GGT7: variants seen among roughly 807,000 people sequenced by gnomAD.
GGT7 encodes glutathione hydrolase 7.
In GGT7, 30 loss-of-function variants were observed where a neutral mutation model predicts 69.2. The observed-to-expected ratio is 0.43, with a 90% confidence interval of 0.32 to 0.59. The LOEUF (loss-of-function observed/expected upper bound fraction) is 0.59. Ranked by LOEUF, GGT7 falls within the 20% of genes least tolerant of loss-of-function variation. The probability of loss-of-function intolerance (pLI) is 0.05; values close to 1 mark genes in which losing one functional copy is unlikely to be tolerated. For missense variants in GGT7, 733 were observed against 901.1 expected, an observed-to-expected ratio of 0.81 and a Z score of 2.39; for synonymous variants, 388 against 391.8, an observed-to-expected ratio of 0.99 and a Z score of 0.12.
chr20:34,852,616 G>T, intron 10 of GGT7, 78 bp from the exon 11 acceptor site: 1 of 1,376,492 alleles, frequency 7.3e-7, no homozygotes, highest in Non-Finnish European at 9.7e-7. Flanking sequence ...TGTGGTGTTT[G>T]TGTAATTATT....
rs573038224 is a variant in GGT7 at position 34,871,254 on chromosome 20, T to A, written c.169+1393A>T. Among the ~76,000 whole-genome samples the A allele has an allele frequency of 3.0e-4, 46 of 152,132 alleles. No homozygotes were observed. In the South Asian group the frequency reaches 5.8e-3, roughly 19 times the overall value. Reference sequence around the variant, plus strand: ...ATGTCAGGCAGTTCCAATCTCTAGGTCAAGAGAGACAGGCATTCTCTGTTG... The same window carrying A: ...ATGTCAGGCAGTTCCAATCTCTAGGACAAGAGAGACAGGCATTCTCTGTTG... On this transcript the variant is annotated intron_variant, in intron 1 of 14. Transcript: ENST00000336431.
At position 34,872,801 on chromosome 20, in the gene GGT7, G is replaced by C. The variant is rs1241944604; in HGVS notation, c.15C>G (p.Asn5Lys). The change falls in exon 1 of 15, where the codon AAC becomes AAG. Residue 5 changes from asparagine to lysine, a missense_variant. Coordinates refer to ENST00000336431, the MANE Select transcript of GGT7 (RefSeq NM_178026.3). MAAE[N>K]EASQESALGA... The stretch of plus-strand genomic sequence containing the variant: ...CCAGGGCGCTCTCCTGGCTGGCCTC[G>C]TTCTCCGCCGCCATCCTCGCCCGCG... 2.2e-6 allele frequency: 3 copies of C among 1,357,334 alleles called. No individual in the cohort carries two copies. Among genetic ancestry groups the C allele is most frequent in the Admixed American group, 7.5e-5 (2 of 26,832 alleles). 84.1% of individuals were successfully genotyped at this position (1,357,334 alleles called of 1,614,324 possible).
chr20:34,854,375 C>CTGGG (rs2079451705), intron 10 of GGT7, among the ~76,000 whole-genome samples, 156 bp downstream of exon 10: 1 of 152,188 alleles, frequency 6.6e-6, no homozygotes, highest in Non-Finnish European at 1.5e-5. Context: ...AGGTGAGGTG[C>CTGGG]AGGGAGAGGC....
At position 34,854,846 on chromosome 20, in the gene GGT7, T is replaced by C; in HGVS notation, c.1180A>G (p.Asn394Asp). The change falls in exon 9 of 15, where the codon AAT (asparagine) becomes GAT (aspartate). Residue 394 changes from asparagine to aspartate, a missense_variant. Physicochemically the swap from Asn to Asp is conservative, Grantham distance 23. Coordinates refer to ENST00000336431, the MANE Select transcript of GGT7 (RefSeq NM_178026.3). ...ISALNILEGFNLTSLVSREQA... is the reference protein window; with the variant it reads ...ISALNILEGFDLTSLVSREQA... ...TCTCGGGATACCAGGCTGGTGAGATTGAAGCCCTCCAGGATGTTGAGAGCA... is the reference window on the plus strand; with the variant it reads ...TCTCGGGATACCAGGCTGGTGAGATCGAAGCCCTCCAGGATGTTGAGAGCA... 26 of 1,614,142 alleles carry C rather than the reference T, an allele frequency of 1.6e-5. No homozygotes were observed. Among genetic ancestry groups the C allele is most frequent in the Non-Finnish European group, 2.2e-5 (26 of 1,179,988 alleles).
chr20:34,860,370 G>A (rs1266784628), intron 4 of GGT7, 49 bp from the exon 5 acceptor site: 4 of 1,405,924 alleles, frequency 2.8e-6, no homozygotes, highest in Non-Finnish European at 4.0e-6. Context: ...GTCACTGGAA[G>A]GGGGGTGCTG....
intron 1 of GGT7, among the ~76,000 whole-genome samples, chr20:34,871,738 G>T (rs1434987479): frequency 6.6e-6 from 1 of 152,242 alleles, no homozygotes; most frequent in African/African-American, 2.4e-5. Flanking sequence ...GCGAGGAAGC[G>T]AGAGTGAGGT....
intron 1 of GGT7, among the ~76,000 whole-genome samples, chr20:34,867,950 G>A (rs1456408477): frequency 6.6e-6 from 1 of 152,118 alleles, no homozygotes; most frequent in Non-Finnish European, 1.5e-5. Context: ...TGCAACCTCC[G>A]CCTTTGGGTT....
chr20:34,863,447 CTT>C lies in GGT7; in HGVS notation c.269_270del (p.Lys90ArgfsTer69). ...TCGGCCGCTGCGGCGGAGAACGGGT[CTT>C]TGCGCGTCTCGCGTAGCGGCGACCC... The part of the protein sequence containing the change: ...QDGSPLRETR[K>X]DPFSAAAAEC... On this transcript the variant is annotated frameshift_variant, in exon 2 of 15. Transcript: ENST00000336431. LOFTEE classifies it high-confidence loss of function. This position sits in a 1 kb window ranked among gnomAD's most constrained non-coding sequence, Gnocchi z 4.4. 1 of 1,612,834 alleles carries C rather than the reference CTT, an allele frequency of 6.2e-7. No individual in the cohort carries two copies. The highest frequency in any genetic ancestry group is 8.5e-7 in the Non-Finnish European group (1 of 1,179,754).
chr20:34,871,966 G>T (rs998635001), intron 1 of GGT7, among the ~76,000 whole-genome samples: 1 of 152,130 alleles, frequency 6.6e-6, no homozygotes, highest in Non-Finnish European at 1.5e-5. Context: ...AGGGCTGAGG[G>T]GAACACAGTA....
At position 34,845,138 on chromosome 20, in the gene GGT7, A is replaced by ACCACCACCACCC; in HGVS notation, c.*189_*190insGGGTGGTGGTGG. 1 of 317,250 alleles carries ACCACCACCACCC rather than the reference A, an allele frequency of 3.2e-6. No individual in the cohort carries two copies. The allele number at this position is 317,250 out of a possible 1,614,324, so 19.7% of individuals were successfully genotyped here. A position where few individuals can be genotyped will look rare whatever the true frequency, so the allele number is the denominator to read the frequency against. ...CACCACCACCACCACCACCACCACC[A>ACCACCACCACCC]CCACCACCACCACCACAGGCCTCCT... On this transcript the variant is annotated 3_prime_UTR_variant, in exon 15 of 15. Transcript: ENST00000336431.
In GGT7 at chr20:34,872,832, C is replaced by A. The variant is rs566778409; in HGVS notation, c.-17G>T. 7 of 1,332,200 alleles carry A rather than the reference C, an allele frequency of 5.3e-6. No homozygotes were observed. Among genetic ancestry groups the A allele is most frequent in the South Asian group, 3.9e-5 (2 of 50,798 alleles). The allele number at this position is 1,332,200 out of a possible 1,614,324, so 82.5% of individuals were successfully genotyped here. ...CGCCGCCATCCTCGCCCGCGCCCCC[C>A]AGCAGCGCAGCGCCTGCCGGAAGTG... On this transcript the variant is annotated 5_prime_UTR_variant, in exon 1 of 15. Transcript: ENST00000336431.
At chr20:34,856,743 A>T (rs1229881136) in intron 8 of GGT7, 63 bp downstream of exon 8, 10 of 906,224 alleles carry the variant, frequency 1.1e-5, no homozygotes, top group Admixed American at 7.7e-5. Context: ...GGCCAAAACG[A>T]TGTGGCCATG....
chr20:34,860,132 T>C (rs1023818222), intron 5 of GGT7, 90 bp from the exon 6 acceptor site: 8 of 1,008,200 alleles, frequency 7.9e-6, no homozygotes, highest in Non-Finnish European at 4.7e-6. Flanking sequence ...AGGAGAGTCC[T>C]GGCAAGGGAA....
chr20:34,845,502 T>C lies in GGT7; in HGVS notation c.1826-11A>G, dbSNP rs780933306. The C allele has an allele frequency of 6.2e-7, 1 of 1,611,980 alleles. No individual in the cohort carries two copies. The highest frequency in any genetic ancestry group is 1.1e-5 in the South Asian group (1 of 90,890). On this transcript the variant is annotated splice_polypyrimidine_tract_variant and intron_variant, in intron 14 of 14. Coordinates refer to ENST00000336431, the MANE Select transcript of GGT7 (RefSeq NM_178026.3). ...CCTCTGTGAACTCACCTGAAAACCATCCCCGACATATACACATTCAGAATG... is the reference window on the plus strand; with the variant it reads ...CCTCTGTGAACTCACCTGAAAACCACCCCCGACATATACACATTCAGAATG...
At chr20:34,847,736 A>T (rs2079322881) in intron 14 of GGT7, among the ~76,000 whole-genome samples, 2 of 152,220 alleles carry the variant, frequency 1.3e-5, no homozygotes, top group Non-Finnish European at 1.5e-5. Context: ...GCTATTTGTC[A>T]TCTATTTGTG....
chr20:34,871,740 G>C (rs549296487), intron 1 of GGT7, among the ~76,000 whole-genome samples: 2 of 152,362 alleles, frequency 1.3e-5, no homozygotes, highest in South Asian at 4.1e-4. Context: ...GAGGAAGCGA[G>C]AGTGAGGTAG....
intron 13 of GGT7, chr20:34,850,976 C>T: frequency 1.5e-6 from 1 of 677,862 alleles, no homozygotes; most frequent in African/African-American, 1.8e-5. Context: ...CAGATGCTAA[C>T]CCCACTTTTC....
At chr20:34,850,763 C>T (rs2079375709) in intron 13 of GGT7, 1 of 468,174 alleles carries the variant, frequency 2.1e-6, no homozygotes, top group Non-Finnish European at 4.3e-6. Flanking sequence ...GATTCCAGAA[C>T]TTAAGATCGT....
In GGT7 at chr20:34,861,308, T is replaced by C; in HGVS notation, c.675+137A>G. ...TTTTATCTTGGGGGCTGCCTGACTC[T>C]CTCATAGCCTAAGAGAATCCTGCTC... On this transcript the variant is annotated intron_variant, in intron 4 of 14. Coordinates refer to ENST00000336431, the MANE Select transcript of GGT7 (RefSeq NM_178026.3). The C allele has an allele frequency of 4.4e-6, 2 of 454,638 alleles. 1 individual carries two copies. The highest frequency in any genetic ancestry group is 6.6e-4 in the Middle Eastern group (2 of 3,032). The allele number at this position is 454,638 out of a possible 1,614,324, so 28.2% of individuals were successfully genotyped here. A position where few individuals can be genotyped will look rare whatever the true frequency, so the allele number is the denominator to read the frequency against.
Sources: allele counts gnomAD v4.1 joint callset (sites outside exome capture counted in the v4.1 genomes callset), GRCh38; gene constraint gnomAD v4.1.1; non-coding constraint Gnocchi (gnomAD v3.1); transcripts MANE v1.5; gene names NCBI Gene and HGNC (gene_info 2026-07-23, HGNC 2026-07-21).